The following SORCS3 variants were observed in gnomAD, a reference collection of about 807,000 sequenced individuals.
The protein encoded by SORCS3 is VPS10 domain-containing receptor SorCS3.
A neutral mutation model predicts 146.3 loss-of-function variants in SORCS3; 57 were observed. The ratio of observed to expected loss-of-function variants is 0.39; its 90% CI spans 0.31 to 0.49. The LOEUF (loss-of-function observed/expected upper bound fraction) is 0.49, where lower values mean the gene tolerates loss of function less well. Ranked by LOEUF, SORCS3 falls within the 20% of genes least tolerant of loss-of-function variation. The pLI is 0.92. For synonymous variants in SORCS3, 653 were observed against 618.5 expected, an observed-to-expected ratio of 1.06 and a Z score of -0.83; for missense variants, 1,341 against 1,575.5, an observed-to-expected ratio of 0.85 and a Z score of 2.52.
intron 14 of SORCS3, among the ~76,000 whole-genome samples, chr10:105,190,454 G>A (rs755038939): frequency 1.2e-4 from 19 of 152,162 alleles, no homozygotes; most frequent in Non-Finnish European, 2.5e-4. Flanking sequence ...CACCTCGGCT[G>A]GAGTGCAGAT....
intron 16 of SORCS3, among the ~76,000 whole-genome samples, chr10:105,203,012 G>A (rs954791888): frequency 6.6e-6 from 1 of 152,162 alleles, no homozygotes; most frequent in African/African-American, 2.4e-5. Flanking sequence ...CAGAGCAGCT[G>A]CCCCTGAATG....
intron 6 of SORCS3, among the ~76,000 whole-genome samples, chr10:105,093,605 A>G (rs1209448312): frequency 1.3e-5 from 2 of 152,178 alleles, no homozygotes; most frequent in Non-Finnish European, 2.9e-5. Flanking sequence ...CAAAGAAAAT[A>G]TAAAGATTAC....
intron 1 of SORCS3, among the ~76,000 whole-genome samples, chr10:104,830,118 G>T (rs1306519036): frequency 6.6e-6 from 1 of 151,984 alleles, no homozygotes; most frequent in Non-Finnish European, 1.5e-5. Flanking sequence ...TGTTCTCATT[G>T]TTCATCTCCC....
chr10:105,219,019 A>C (rs921746496), intron 19 of SORCS3, among the ~76,000 whole-genome samples: 4 of 151,972 alleles, frequency 2.6e-5, no homozygotes, highest in Non-Finnish European at 5.9e-5. Context: ...CGTCTCAAAA[A>C]AAAATATATA....
intron 3 of SORCS3, among the ~76,000 whole-genome samples, chr10:104,924,376 C>T (rs534218577): frequency 1.4e-3 from 215 of 152,282 alleles, no homozygotes; most frequent in Admixed American, 2.1e-3. Flanking sequence ...ATAAGGTGAG[C>T]ACAAATATGA....
rs137940824 is a variant in SORCS3 at position 104,872,765 on chromosome 10, T to A, written c.695+29906T>A. Among the ~76,000 whole-genome samples the A allele has an allele frequency of 5.5e-3, 842 of 152,188 alleles. 14 individuals carry two copies. Among genetic ancestry groups the A allele is most frequent in the African/African-American group, 0.019 (781 of 41,506 alleles). On this transcript the variant is annotated intron_variant, in intron 2 of 26. Coordinates refer to ENST00000369701, the MANE Select transcript of SORCS3 (RefSeq NM_014978.3). ...CTATCTCCTCTGTGTCTGGTGTGCT[T>A]GCCCAAATGTGCATGCTCATGTCCA...
intron 5 of SORCS3, among the ~76,000 whole-genome samples, chr10:105,054,031 C>CA (rs1169512594): frequency 2.6e-5 from 4 of 151,838 alleles, no homozygotes; most frequent in Non-Finnish European, 2.9e-5. Context: ...TTTTAATATG[C>CA]AAAAATGGGT....
At chr10:104,895,210 C>T (rs2018786857) in intron 2 of SORCS3, among the ~76,000 whole-genome samples, 1 of 152,204 alleles carries the variant, frequency 6.6e-6, no homozygotes, top group Non-Finnish European at 1.5e-5. Context: ...CTATTTCAAT[C>T]CCTTTCCACA....
chr10:104,896,122 T>G lies in SORCS3; in HGVS notation c.696-19711T>G, dbSNP rs548620737. Among the ~76,000 whole-genome samples, 8 of 151,802 alleles carry G rather than the reference T, an allele frequency of 5.3e-5. No homozygotes were observed. In the East Asian group the frequency reaches 1.6e-3, roughly 30 times the overall value. ...TTTTTATTACTGCCATTTTCCAACC[T>G]GGAGGTAAATTGTTGCTCTAAGGCA... On this transcript the variant is annotated intron_variant, in intron 2 of 26. Transcript: ENST00000369701.
intron 2 of SORCS3, among the ~76,000 whole-genome samples, chr10:104,894,116 T>C (rs573548096): frequency 1.3e-5 from 2 of 152,348 alleles, no homozygotes; most frequent in African/African-American, 4.8e-5. Context: ...TGAACTCTTG[T>C]GTAATCTCCT....
chr10:105,183,805 CTGGGG>C (rs2056458659), intron 14 of SORCS3, among the ~76,000 whole-genome samples: 4 of 67,844 alleles, frequency 5.9e-5, no homozygotes, highest in Non-Finnish European at 3.4e-5. Flanking sequence ...GTAGGGTATA[CTGGGG>C]ACTGGCAACA....
intron 5 of SORCS3, among the ~76,000 whole-genome samples, chr10:105,078,759 A>G (rs2055605172): frequency 6.6e-6 from 1 of 152,186 alleles, no homozygotes; most frequent in African/African-American, 2.4e-5. Context: ...AACAATGACA[A>G]GGGTGCCATT....
intron 1 of SORCS3, among the ~76,000 whole-genome samples, chr10:104,698,337 G>T (rs2016241286): frequency 6.6e-6 from 1 of 151,946 alleles, no homozygotes; most frequent in African/African-American, 2.4e-5. Flanking sequence ...ACTCTTTTTT[G>T]CAAATAACAA....
chr10:104,694,070 G>A (rs1283947157), intron 1 of SORCS3, among the ~76,000 whole-genome samples: 1 of 151,506 alleles, frequency 6.6e-6, no homozygotes, highest in Non-Finnish European at 1.5e-5. Flanking sequence ...GCCTTGATTT[G>A]CGTGGTTGTT....
intron 5 of SORCS3, among the ~76,000 whole-genome samples, chr10:105,051,585 AC>A (rs1201651936): frequency 4.6e-5 from 7 of 152,122 alleles, no homozygotes; most frequent in African/African-American, 1.7e-4. Context: ...TAAGGAACAG[AC>A]AGAATAGCTT....
intron 25 of SORCS3, among the ~76,000 whole-genome samples, chr10:105,257,984 CT>C (rs1324120115): frequency 6.6e-6 from 1 of 152,110 alleles, no homozygotes; most frequent in African/African-American, 2.4e-5. Context: ...GTCCTGGAGT[CT>C]TTCCAGGAAC....
rs76230834 is a variant in SORCS3 at position 105,038,044 on chromosome 10, C to T, written c.955-5011C>T. Among the ~76,000 whole-genome samples, 1,985 of 152,234 alleles carry T rather than the reference C, an allele frequency of 0.013. 80 individuals carry two copies. In the East Asian group the frequency reaches 0.15, roughly 11 times the overall value. ...CTGTTCCAGTGATTCATTTAGTCCT[C>T]GCTCTGTGTTTGTTGCTGCTGAATT... On this transcript the variant is annotated intron_variant, in intron 4 of 26. Transcript: ENST00000369701.
intron 1 of SORCS3, among the ~76,000 whole-genome samples, chr10:104,758,748 A>G (rs1163071173): frequency 6.6e-6 from 1 of 152,114 alleles, no homozygotes; most frequent in Non-Finnish European, 1.5e-5. Flanking sequence ...GAATGGGCTC[A>G]CATCTCTCTT....
chr10:104,715,878 A>G (rs1359549954), intron 1 of SORCS3, among the ~76,000 whole-genome samples: 1 of 152,150 alleles, frequency 6.6e-6, no homozygotes, highest in Admixed American at 6.5e-5. Context: ...TCTCTTACAC[A>G]CAGGTCAGGC....
Sources: allele counts gnomAD v4.1 joint callset (sites outside exome capture counted in the v4.1 genomes callset), GRCh38; gene constraint gnomAD v4.1.1; transcripts MANE v1.5; gene names NCBI Gene and HGNC (gene_info 2026-07-23, HGNC 2026-07-21).